The following EIF4G3 variants were observed in gnomAD, a reference collection of about 807,000 sequenced individuals.
The protein encoded by EIF4G3 is eukaryotic translation initiation factor 4 gamma 3, also known as eIF-4-gamma 3.
Under a neutral mutation model 186.4 loss-of-function variants are expected in EIF4G3, and 34 were observed. That is an observed-to-expected ratio of 0.18 (90% CI 0.14 to 0.24). The LOEUF (loss-of-function observed/expected upper bound fraction) is 0.24. EIF4G3 is among the 10% of genes least tolerant of loss of function. The pLI is 1.00. For missense variants in EIF4G3, 1,536 were observed against 1,948.5 expected (o/e 0.79, Z 3.99); for synonymous variants, 673 against 679.5 (o/e 0.99, Z 0.15).
intron 12 of EIF4G3, among the ~76,000 whole-genome samples, chr1:20,968,471 G>A (rs1001275810): frequency 6.6e-6 from 1 of 152,106 alleles, no homozygotes; most frequent in Admixed American, 6.5e-5. Flanking sequence ...ATGAGCCAAC[G>A]CGCCCGGCCT....
rs12564410 is a variant in EIF4G3, at chr1:20,817,283, A to T, written c.4515+109T>A. The T allele has an allele frequency of 2.0e-3, 774 of 381,374 alleles. 18 individuals carry two copies. Among genetic ancestry groups the T allele is most frequent in the African/African-American group, 0.017 (593 of 34,004 alleles). 23.6% of individuals were successfully genotyped at this position (381,374 alleles called of 1,614,324 possible). ...AAATAAAAAAATAAATAAATAAAAA[A>T]AAATAAAAATAAAAATTCATGAAGT... On this transcript the variant is annotated intron_variant, in intron 34 of 36. Coordinates refer to ENST00000602326, the MANE Select transcript of EIF4G3 (RefSeq NM_001391906.1).
At chr1:20,909,972 G>C (rs2092928674) in intron 14 of EIF4G3, among the ~76,000 whole-genome samples, 2 of 151,842 alleles carry the variant, frequency 1.3e-5, no homozygotes, top group African/African-American at 4.8e-5. Flanking sequence ...TTGTAGAAAT[G>C]GTCTCTTACC....
intron 7 of EIF4G3, among the ~76,000 whole-genome samples, chr1:20,987,932 C>A (rs962510289): frequency 6.6e-6 from 1 of 152,176 alleles, no homozygotes; most frequent in Non-Finnish European, 1.5e-5. Context: ...AGAATAAGTT[C>A]TTGGAGGAAA....
chr1:20,848,834 G>A (rs2154550132), intron 29 of EIF4G3, among the ~76,000 whole-genome samples: 1 of 151,918 alleles, frequency 6.6e-6, no homozygotes, highest in Non-Finnish European at 1.5e-5. Flanking sequence ...ATCATTTGAG[G>A]TCAGGAGTTC....
chr1:21,127,825 T>C (rs1010641797), intron 2 of EIF4G3, among the ~76,000 whole-genome samples: 1 of 152,208 alleles, frequency 6.6e-6, no homozygotes, highest in African/African-American at 2.4e-5. Flanking sequence ...AGATGTCTTA[T>C]AAATTGCACA....
chr1:20,892,861 A>G (rs776966497), intron 18 of EIF4G3: 18 of 633,308 alleles, frequency 2.8e-5, no homozygotes, highest in Non-Finnish European at 4.6e-5. Context: ...TTTTTCAGAG[A>G]CAGGGTCTTG....
chr1:20,876,965 G>A (rs142344926), intron 20 of EIF4G3, among the ~76,000 whole-genome samples: 7 of 152,290 alleles, frequency 4.6e-5, no homozygotes, highest in Admixed American at 1.3e-4. Flanking sequence ...GGGCAACAGA[G>A]CAAAAGACCT....
chr1:21,041,257 T>A (rs980791846), intron 4 of EIF4G3, among the ~76,000 whole-genome samples: 3 of 152,148 alleles, frequency 2.0e-5, no homozygotes, highest in Admixed American at 6.6e-5. Context: ...CTCCTTTTTA[T>A]TTTTATTTTT....
At chr1:21,105,161 G>A (rs1005351673) in intron 2 of EIF4G3, among the ~76,000 whole-genome samples, 13 of 152,194 alleles carry the variant, frequency 8.5e-5, no homozygotes, top group African/African-American at 3.1e-4. Context: ...GTTGGCTCAC[G>A]CCTGTAATAC....
At chr1:20,979,855 A>G (rs1570237288) in intron 10 of EIF4G3, among the ~76,000 whole-genome samples, 1 of 150,780 alleles carries the variant, frequency 6.6e-6, no homozygotes, top group Admixed American at 6.6e-5. Context: ...GGTTCAAGCC[A>G]TTCTCCTGCC....
At position 20,810,833 on chromosome 1, in the gene EIF4G3, G is replaced by A. The variant is rs867694914; in HGVS notation, c.4649C>T (p.Pro1550Leu). The change falls in exon 36 of 37, where the codon CCG becomes CTG. Residue 1550 changes from proline to leucine, a missense_variant. This residue lies in a region of EIF4G3 where 395 missense variants were observed against 498.9 expected (regional missense o/e 0.79). Transcript: ENST00000602326. This position sits in a 1 kb window ranked among gnomAD's most constrained non-coding sequence, Gnocchi z 4.1. ...VDTAVIKQRV[P>L]ILLKYLDSDT... ...TGAGTCTAGGTACTTGAGTAAGATCGGCACTCTCTGCTTGATAACAGCAGT... is the reference window on the plus strand; with the variant it reads ...TGAGTCTAGGTACTTGAGTAAGATCAGCACTCTCTGCTTGATAACAGCAGT... 1.2e-6 allele frequency: 2 copies of A among 1,613,952 alleles called. No individual in the cohort carries two copies. The highest frequency in any genetic ancestry group is 3.3e-5 in the Admixed American group (2 of 59,996).
intron 2 of EIF4G3, among the ~76,000 whole-genome samples, chr1:21,106,154 C>T (rs951782996): frequency 6.6e-6 from 1 of 151,018 alleles, no homozygotes; most frequent in African/African-American, 2.4e-5. Flanking sequence ...AGCTACATCA[C>T]TGAGAGGCTT....
intron 34 of EIF4G3, among the ~76,000 whole-genome samples, chr1:20,815,402 T>C (rs1209723396): frequency 1.4e-5 from 2 of 139,692 alleles, no homozygotes; most frequent in African/African-American, 5.3e-5. Flanking sequence ...GACCCGCCCA[T>C]CGTCTGAGTG....
intron 12 of EIF4G3, among the ~76,000 whole-genome samples, chr1:20,956,118 A>G (rs1348282707): frequency 6.6e-6 from 1 of 152,238 alleles, no homozygotes; most frequent in East Asian, 1.9e-4. Context: ...TACAGGATGT[A>G]AGGACTACAA....
intron 7 of EIF4G3, among the ~76,000 whole-genome samples, chr1:20,995,530 C>T (rs2082105089): frequency 6.6e-6 from 1 of 152,220 alleles, no homozygotes; most frequent in Admixed American, 6.5e-5. Context: ...CACCACCACG[C>T]CCGGCTACTT....
chr1:21,057,955 CAG>C (rs2094644297), intron 3 of EIF4G3, among the ~76,000 whole-genome samples: 1 of 152,038 alleles, frequency 6.6e-6, no homozygotes, highest in African/African-American at 2.4e-5. Flanking sequence ...ATTAACTTGA[CAG>C]AGTTTTTTAA....
Position 20,857,441 on chromosome 1 carries a change from G to A in EIF4G3, c.3301C>T (p.Arg1101Trp). ...WNTVQGAKNS[R>W]VLDPSKFLKI... ...AGGAATTTTGAGGGGTCCAGTACCC[G>A]ACTGTTCTTGGCCCCTTGTACAGTG... is the stretch of plus-strand genomic sequence containing the variant. Residue 1101 changes from arginine to tryptophan, a missense_variant, in exon 25 of 37, where the codon CGG (arginine) becomes TGG (tryptophan). Physicochemically the swap from Arg to Trp is moderately radical, Grantham distance 101. Transcript: ENST00000602326. 3.7e-6 allele frequency: 6 copies of A among 1,614,058 alleles called. No individual in the cohort carries two copies. The highest frequency in any genetic ancestry group is 4.2e-6 in the Non-Finnish European group (5 of 1,180,020).
chr1:20,867,991 G>A (rs1483254858), intron 20 of EIF4G3, among the ~76,000 whole-genome samples: 2 of 151,036 alleles, frequency 1.3e-5, no homozygotes, highest in African/African-American at 4.9e-5. Flanking sequence ...TTTGGAATAT[G>A]ATCTTAATAC....
chr1:20,874,559 G>A (rs749451663), intron 20 of EIF4G3, among the ~76,000 whole-genome samples: 16 of 151,896 alleles, frequency 1.1e-4, no homozygotes, highest in Non-Finnish European at 2.2e-4. Context: ...ATTTTTATTA[G>A]GCTGTTTTTT....
Sources: gnomAD v4.1 joint callset for allele counts (sites outside exome capture counted in the v4.1 genomes callset) on GRCh38, gnomAD v4.1.1 for gene constraint, gnomAD v4.1.1 regional missense constraint, Gnocchi (gnomAD v3.1) non-coding constraint, MANE v1.5 for transcripts, NCBI Gene and HGNC (gene_info 2026-07-23, HGNC 2026-07-21) for gene names.